FAM53B: variants seen among roughly 807,000 people sequenced by gnomAD.
FAM53B encodes family with sequence similarity 53 member B, also known as protein FAM53B.
In FAM53B, 12 loss-of-function variants were observed where a neutral mutation model predicts 32.7. The ratio of observed to expected loss-of-function variants is 0.37; its 90% CI spans 0.24 to 0.59. The LOEUF is 0.59. Ranked by LOEUF, FAM53B falls within the 20% of genes least tolerant of loss-of-function variation. The probability of loss-of-function intolerance (pLI) is 0.72; values close to 1 mark genes in which losing one functional copy is unlikely to be tolerated. For synonymous variants in FAM53B, 234 were observed against 228.7 expected, an observed-to-expected ratio of 1.02 and a Z score of -0.21; for missense variants, 477 against 577.7, an observed-to-expected ratio of 0.83 and a Z score of 1.79.
chr10:124,724,188 C>T (rs1047134519), intron 1 of FAM53B, among the ~76,000 whole-genome samples: 1 of 152,198 alleles, frequency 6.6e-6, no homozygotes, highest in African/African-American at 2.4e-5. Flanking sequence ...GAGGAAGCGG[C>T]ATGAGTGTTG....
At chr10:124,636,760 C>T (rs1304814073) in intron 4 of FAM53B, among the ~76,000 whole-genome samples, 1 of 152,050 alleles carries the variant, frequency 6.6e-6, no homozygotes, top group African/African-American at 2.4e-5. Context: ...CCTCTCATGT[C>T]TGTGAGCAGC....
At chr10:124,724,993 G>A (rs563792100) in intron 1 of FAM53B, among the ~76,000 whole-genome samples, 25 of 152,308 alleles carry the variant, frequency 1.6e-4, no homozygotes, top group Middle Eastern at 3.4e-3. Flanking sequence ...ACACAGAAAC[G>A]CTCCATTCAA....
At chr10:124,710,371 A>G (rs1189849705) in intron 1 of FAM53B, among the ~76,000 whole-genome samples, 1 of 152,184 alleles carries the variant, frequency 6.6e-6, no homozygotes, top group Non-Finnish European at 1.5e-5. Flanking sequence ...CAGCTAAATT[A>G]CAGCAACATG....
chr10:124,696,913 C>G (rs575611103), intron 2 of FAM53B, among the ~76,000 whole-genome samples: 12 of 152,268 alleles, frequency 7.9e-5, no homozygotes, highest in South Asian at 2.1e-4. Context: ...TTCCCTGATG[C>G]CCCCCGCCTA....
Position 124,632,449 on chromosome 10 carries a change from T to C in FAM53B, c.907-8845A>G, listed in dbSNP as rs570431383. Among the ~76,000 whole-genome samples the C allele has an allele frequency of 1.6e-3, 250 of 152,332 alleles. 2 individuals carry two copies. Among genetic ancestry groups the C allele is most frequent in the African/African-American group, 5.7e-3 (239 of 41,592 alleles). On this transcript the variant is annotated intron_variant, in intron 4 of 4. Transcript: ENST00000337318. ...GGGGGGCCGAGGCTAATGTACTGCC[T>C]GCGCCCACAGACCTTGAATAGAGTC...
intron 2 of FAM53B, among the ~76,000 whole-genome samples, chr10:124,702,499 C>T (rs547289059): frequency 1.3e-5 from 2 of 152,344 alleles, no homozygotes; most frequent in East Asian, 3.9e-4. Flanking sequence ...TGTCTCTCCC[C>T]AAGGCCTGGA....
At position 124,741,538 on chromosome 10, in the gene FAM53B, G is replaced by A. The variant is rs985927993; in HGVS notation, c.-175+2475C>T. ...GGCCTCCAAAAGGGGAGGAGAGCAG[G>A]CTGGCCCTTCCTGAGCTTCAATCAA... is the stretch of plus-strand genomic sequence containing the variant. On this transcript the variant is annotated intron_variant, in intron 1 of 4. Transcript: ENST00000337318. 4.6e-5 allele frequency among the ~76,000 whole-genome samples: 7 copies of A among 152,316 alleles called. No individual in the cohort carries two copies. The East Asian group carries it at 1.4e-3, about 29-fold the overall frequency.
chr10:124,724,305 G>C (rs1456995652), intron 1 of FAM53B, among the ~76,000 whole-genome samples: 2 of 152,096 alleles, frequency 1.3e-5, no homozygotes, highest in African/African-American at 4.8e-5. Context: ...GGGAGTGGAG[G>C]GCCCCTTCCC....
intron 1 of FAM53B, among the ~76,000 whole-genome samples, chr10:124,739,642 A>C (rs1950190031): frequency 6.6e-6 from 1 of 152,110 alleles, no homozygotes; most frequent in East Asian, 1.9e-4. Context: ...AGACTTACAG[A>C]TGCCCAAGAG....
intron 4 of FAM53B, among the ~76,000 whole-genome samples, chr10:124,635,044 T>C (rs1270286844): frequency 6.6e-6 from 1 of 152,196 alleles, no homozygotes; most frequent in Admixed American, 6.5e-5. Flanking sequence ...ATCTCCCTAA[T>C]ATACAATTGA....
intron 4 of FAM53B, among the ~76,000 whole-genome samples, chr10:124,662,863 G>A (rs374535107): frequency 1.3e-5 from 2 of 152,160 alleles, no homozygotes; most frequent in African/African-American, 4.8e-5. Flanking sequence ...CTTGGTAGGT[G>A]CTAGAGGTCT....
At chr10:124,647,312 T>A (rs955927325) in intron 4 of FAM53B, among the ~76,000 whole-genome samples, 1 of 152,178 alleles carries the variant, frequency 6.6e-6, no homozygotes, top group Non-Finnish European at 1.5e-5. Flanking sequence ...AATCTCCCTG[T>A]CTCTGAGGAG....
intron 4 of FAM53B, among the ~76,000 whole-genome samples, chr10:124,641,693 C>G (rs1166618357): frequency 6.6e-6 from 1 of 152,212 alleles, no homozygotes; most frequent in African/African-American, 2.4e-5. Flanking sequence ...CACACTGGAT[C>G]CACTGTGCCT....
intron 4 of FAM53B, among the ~76,000 whole-genome samples, chr10:124,647,130 A>G (rs1319841174): frequency 6.6e-6 from 1 of 152,214 alleles, no homozygotes; most frequent in Non-Finnish European, 1.5e-5. Context: ...TCGGGGCCGC[A>G]TGTGCTGATG....
intron 1 of FAM53B, among the ~76,000 whole-genome samples, chr10:124,720,214 G>A (rs990695600): frequency 2.0e-5 from 3 of 150,954 alleles, no homozygotes; most frequent in African/African-American, 4.9e-5. Context: ...CCTCGATCAG[G>A]AGCAGACCCA....
chr10:124,637,211 G>T (rs750520416), intron 4 of FAM53B, among the ~76,000 whole-genome samples: 1 of 152,262 alleles, frequency 6.6e-6, no homozygotes, highest in Admixed American at 6.5e-5. Flanking sequence ...CAGGGGCTGG[G>T]TCACCCTTGC....
rs928394981 is a variant in FAM53B at position 124,621,713 on chromosome 10, T to C, written c.*1529A>G. 2.0e-5 allele frequency: 3 copies of C among 152,228 alleles called. No homozygotes were observed. Among genetic ancestry groups the C allele is most frequent in the African/African-American group, 7.2e-5 (3 of 41,448 alleles). The allele number at this position is 152,228 out of a possible 1,614,324, so 9.4% of individuals were successfully genotyped here. On this transcript the variant is annotated 3_prime_UTR_variant, in exon 5 of 5. Coordinates refer to ENST00000337318, the MANE Select transcript of FAM53B (RefSeq NM_014661.4). ...TTGAGGAGAAAGAAGGTGAGAAGCA[T>C]CTGGACTCAACCTGCAGAAGCGAGG... is the stretch of plus-strand genomic sequence containing the variant.
At chr10:124,728,092 T>A (rs1432477827) in intron 1 of FAM53B, among the ~76,000 whole-genome samples, 2 of 152,174 alleles carry the variant, frequency 1.3e-5, no homozygotes, top group Non-Finnish European at 2.9e-5. Context: ...GGTTTGAAGA[T>A]CTCCATGGAC....
At chr10:124,659,919 G>A (rs1247808294) in intron 4 of FAM53B, among the ~76,000 whole-genome samples, 2 of 152,176 alleles carry the variant, frequency 1.3e-5, no homozygotes, top group Non-Finnish European at 2.9e-5. Flanking sequence ...CAATTCTCCC[G>A]CCTCAGCCTC....
Sources: allele counts gnomAD v4.1 joint callset (sites outside exome capture counted in the v4.1 genomes callset), GRCh38; gene constraint gnomAD v4.1.1; transcripts MANE v1.5; gene names NCBI Gene and HGNC (gene_info 2026-07-23, HGNC 2026-07-21).